PACC1: variants seen among roughly 807,000 people sequenced by gnomAD.
PACC1 encodes proton activated chloride channel 1, also known as proton-activated chloride channel.
Under a neutral mutation model 39.7 loss-of-function variants are expected in PACC1, and 34 were observed. That is an observed-to-expected ratio of 0.86 (90% CI 0.65 to 1.14). The LOEUF (loss-of-function observed/expected upper bound fraction) is 1.14. Among genes scored for constraint, PACC1 ranks in the 50% most tolerant of loss-of-function variants. The pLI is 0.00. For synonymous variants in PACC1, 127 were observed against 160.6 expected, an observed-to-expected ratio of 0.79 and a Z score of 1.58; for missense variants, 379 against 436.4, an observed-to-expected ratio of 0.87 and a Z score of 1.17.
In PACC1 at chr1:212,410,408, G is replaced by C. The variant is rs1311878446; in HGVS notation, c.133+17C>G. ...CCAGCTGCAGCAACAGCACAGCAAA[G>C]CACCAAACGCACTCACCTGGTAAGA... On this transcript the variant is annotated intron_variant, in intron 2 of 7. Coordinates refer to ENST00000261455, the MANE Select transcript of PACC1 (RefSeq NM_018252.3). 1 of 1,611,594 alleles carries C rather than the reference G, an allele frequency of 6.2e-7. No individual in the cohort carries two copies. Among genetic ancestry groups the C allele is most frequent in the Admixed American group, 1.7e-5 (1 of 60,014 alleles).
In PACC1 at chr1:212,381,232, A is replaced by C. The variant is rs573741244; in HGVS notation, c.496-1195T>G. Among the ~76,000 whole-genome samples, 6 of 152,286 alleles carry C rather than the reference A, an allele frequency of 3.9e-5. No homozygotes were observed. The South Asian group carries it at 1.2e-3, about 32-fold the overall frequency. ...TAAATGTCATGCTGTTTTGTACATA[A>C]AGTTTTGGAACTGTTCAGTCGTCTT... is the stretch of plus-strand genomic sequence containing the variant. On this transcript the variant is annotated intron_variant, in intron 4 of 7. Transcript: ENST00000261455.
chr1:212,412,787 C>T (rs996805980), intron 1 of PACC1, among the ~76,000 whole-genome samples: 1 of 152,248 alleles, frequency 6.6e-6, no homozygotes, highest in South Asian at 2.1e-4. Flanking sequence ...CCAAAGCATC[C>T]TGGACGCAGG....
intron 4 of PACC1, 38 bp from the exon 5 acceptor site, chr1:212,380,075 G>C: frequency 6.2e-7 from 1 of 1,605,658 alleles, no homozygotes; most frequent in Non-Finnish European, 8.5e-7. Context: ...AGTCCTGGGA[G>C]AGTACACAGA....
At position 212,387,062 on chromosome 1, in the gene PACC1, T is replaced by C. The variant is rs1304178258; in HGVS notation, c.172A>G (p.Ser58Gly). ...SESASSSIRF[S>G]KACLKNVFSV... Reference sequence around the variant, plus strand: ...AAGACGTTCTTCAGGCAGGCCTTGCTGAAGCGGATGCTGCTGGAGGCGGAC... The same window carrying C: ...AAGACGTTCTTCAGGCAGGCCTTGCCGAAGCGGATGCTGCTGGAGGCGGAC... The change falls in exon 3 of 8, where the codon AGC becomes GGC. Residue 58 changes from serine to glycine, a missense_variant. Ser to Gly is a moderately conservative substitution (Grantham distance 56). Coordinates refer to ENST00000261455, the MANE Select transcript of PACC1 (RefSeq NM_018252.3). 2 of 1,614,046 alleles carry C rather than the reference T, an allele frequency of 1.2e-6. No homozygotes were observed. Among genetic ancestry groups the C allele is most frequent in the Admixed American group, 1.7e-5 (1 of 60,004 alleles).
intron 2 of PACC1, among the ~76,000 whole-genome samples, chr1:212,399,447 T>C (rs547456728): frequency 3.8e-4 from 58 of 152,230 alleles, no homozygotes; most frequent in African/African-American, 1.2e-3. Context: ...TCGTAACAAG[T>C]AGAGAAGTCT....
intron 2 of PACC1, among the ~76,000 whole-genome samples, chr1:212,388,490 G>A (rs1661185987): frequency 6.6e-6 from 1 of 152,252 alleles, no homozygotes; most frequent in Non-Finnish European, 1.5e-5. Flanking sequence ...AGTATATTTA[G>A]AGACAGGGAC....
chr1:212,409,962 C>A (rs997540525), intron 2 of PACC1, among the ~76,000 whole-genome samples: 6 of 152,102 alleles, frequency 3.9e-5, no homozygotes, highest in African/African-American at 1.4e-4. Flanking sequence ...TGTATCCGGG[C>A]GGAAGAAGTA....
intron 7 of PACC1, among the ~76,000 whole-genome samples, chr1:212,371,476 A>G (rs756970085): frequency 1.3e-5 from 2 of 152,248 alleles, no homozygotes; most frequent in South Asian, 2.1e-4. Flanking sequence ...TCCTGGATAC[A>G]TTGTCTACCA....
chr1:212,375,104 GCAT>G (rs1281124715), intron 7 of PACC1, 86 bp downstream of exon 7: 1 of 1,061,188 alleles, frequency 9.4e-7, no homozygotes, highest in East Asian at 2.7e-5. Context: ...CTTCAGGGCA[GCAT>G]CATAATCTTA....
chr1:212,367,607 T>C (rs1271665525), intron 7 of PACC1, among the ~76,000 whole-genome samples: 1 of 152,150 alleles, frequency 6.6e-6, no homozygotes, highest in Non-Finnish European at 1.5e-5. Flanking sequence ...ACAGCTCTGA[T>C]ACTGCACTGG....
chr1:212,402,005 T>C (rs919741702), intron 2 of PACC1, among the ~76,000 whole-genome samples: 2 of 152,216 alleles, frequency 1.3e-5, no homozygotes, highest in African/African-American at 4.8e-5. Flanking sequence ...TCAAATAATA[T>C]TCTATTGTGT....
At chr1:212,385,726 G>A (rs147252877) in intron 3 of PACC1, among the ~76,000 whole-genome samples, 2 of 152,254 alleles carry the variant, frequency 1.3e-5, no homozygotes, top group Admixed American at 6.5e-5. Context: ...CCGAAGGAGT[G>A]TCTCTTGACT....
intron 2 of PACC1, among the ~76,000 whole-genome samples, chr1:212,399,132 C>T (rs553906954): frequency 2.0e-5 from 3 of 152,352 alleles, no homozygotes; most frequent in East Asian, 3.9e-4. Context: ...TGAGTACCAG[C>T]TTACTACATT....
At chr1:212,378,944 A>G (rs1490262531) in intron 5 of PACC1, among the ~76,000 whole-genome samples, 1 of 149,328 alleles carries the variant, frequency 6.7e-6, no homozygotes, top group Non-Finnish European at 1.5e-5. Context: ...TCTCTTCCTT[A>G]TGATTTCCTT....
chr1:212,393,713 G>A (rs1284713996), intron 2 of PACC1, among the ~76,000 whole-genome samples: 1 of 151,950 alleles, frequency 6.6e-6, no homozygotes, highest in African/African-American at 2.4e-5. Context: ...GAAGAAAAGA[G>A]AGAAGAATCA....
chr1:212,365,350 T>C lies in PACC1; in HGVS notation c.918A>G (p.Thr306=), dbSNP rs1166396277. ...AGAAGGCGCCACAGAGAAGAGCAAT[T>C]GTGTTCCAAGGATTGGCAGTGACTA... The part of the protein sequence containing the change: ...QDIVTANPWN[T]IALLCGAFLA... The change falls in exon 8 of 8, where the codon ACA becomes ACG. Residue 306 remains threonine, a synonymous_variant. Coordinates refer to ENST00000261455, the MANE Select transcript of PACC1 (RefSeq NM_018252.3). 2 of 1,612,608 alleles carry C rather than the reference T, an allele frequency of 1.2e-6. No homozygotes were observed. The highest frequency in any genetic ancestry group is 2.2e-5 in the East Asian group (1 of 44,836).
rs562024557 is a variant in PACC1, at chr1:212,380,160, A to G, written c.496-123T>C. 5 of 1,003,022 alleles carry G rather than the reference A, an allele frequency of 5.0e-6. No individual in the cohort carries two copies. The South Asian group carries it at 8.1e-5, about 16-fold the overall frequency. The allele number at this position is 1,003,022 out of a possible 1,614,324, so 62.1% of individuals were successfully genotyped here. Reference sequence around the variant, plus strand: ...TTGCCCAGTGGTCTCCAAAGGGACCACTAGCCAACAACAGGACTGGGCTGG... The same window carrying G: ...TTGCCCAGTGGTCTCCAAAGGGACCGCTAGCCAACAACAGGACTGGGCTGG... On this transcript the variant is annotated intron_variant, in intron 4 of 7. Transcript: ENST00000261455.
Position 212,393,799 on chromosome 1 carries a change from C to T in PACC1, c.134-6699G>A, listed in dbSNP as rs528404388. Among the ~76,000 whole-genome samples, 179 of 152,302 alleles carry T rather than the reference C, an allele frequency of 1.2e-3. 1 individual carries two copies. The highest frequency in any genetic ancestry group is 1.7e-3 in the Non-Finnish European group (119 of 68,024). ...AAATACAAACTACCATCAGAGAATACTATAAACACCTCTACGCAAATAAAC... is the reference window on the plus strand; with the variant it reads ...AAATACAAACTACCATCAGAGAATATTATAAACACCTCTACGCAAATAAAC... On this transcript the variant is annotated intron_variant, in intron 2 of 7. Transcript: ENST00000261455.
At chr1:212,412,609 C>G (rs1337479657) in intron 1 of PACC1, among the ~76,000 whole-genome samples, 1 of 152,228 alleles carries the variant, frequency 6.6e-6, no homozygotes, top group Non-Finnish European at 1.5e-5. Context: ...GGAGGGCACC[C>G]TTCCAGTGCC....
Sources: allele counts gnomAD v4.1 joint callset (sites outside exome capture counted in the v4.1 genomes callset), GRCh38; gene constraint gnomAD v4.1.1; transcripts MANE v1.5; gene names NCBI Gene and HGNC (gene_info 2026-07-23, HGNC 2026-07-21).